The following GRIN2A variants were observed in gnomAD, a reference collection of about 807,000 sequenced individuals.
GRIN2A encodes the protein glutamate receptor ionotropic, NMDA 2A.
In GRIN2A, 22 loss-of-function variants were observed where a neutral mutation model predicts 113.4. The ratio of observed to expected loss-of-function variants is 0.19; its 90% CI spans 0.14 to 0.28. The LOEUF (loss-of-function observed/expected upper bound fraction) is 0.28. Ranked by LOEUF, GRIN2A falls within the 10% of genes least tolerant of loss-of-function variation. GRIN2A has a pLI of 1.00. For synonymous variants in GRIN2A, 827 were observed against 738.4 expected, an observed-to-expected ratio of 1.12 and a Z score of -1.94; for missense variants, 1,502 against 1,887.0, an observed-to-expected ratio of 0.80 and a Z score of 3.78.
At chr16:9,941,157 T>C (rs756208682) in intron 2 of GRIN2A, among the ~76,000 whole-genome samples, 1 of 152,100 alleles carries the variant, frequency 6.6e-6, no homozygotes, top group Non-Finnish European at 1.5e-5. Flanking sequence ...AAAGGCACCA[T>C]TGGAACCTAA....
chr16:10,017,355 G>A (rs994635204), intron 2 of GRIN2A, among the ~76,000 whole-genome samples: 4 of 151,992 alleles, frequency 2.6e-5, no homozygotes, highest in East Asian at 3.9e-4. Flanking sequence ...TTGGTGGGGC[G>A]GCAGTCAGAG....
At chr16:9,974,753 T>C (rs201027016) in intron 2 of GRIN2A, among the ~76,000 whole-genome samples, 2 of 152,242 alleles carry the variant, frequency 1.3e-5, no homozygotes, top group African/African-American at 4.8e-5. Flanking sequence ...ATGTTTCATG[T>C]GATCCCTAGA....
intron 4 of GRIN2A, among the ~76,000 whole-genome samples, chr16:9,879,702 A>G (rs1351088090): frequency 1.3e-5 from 2 of 152,126 alleles, no homozygotes; most frequent in Non-Finnish European, 2.9e-5. Context: ...TAGCTCTGTG[A>G]CTCTGAGCAA....
intron 2 of GRIN2A, among the ~76,000 whole-genome samples, chr16:10,072,615 A>G (rs1178667280): frequency 6.6e-6 from 1 of 152,138 alleles, no homozygotes; most frequent in Non-Finnish European, 1.5e-5. Context: ...ATCTCAGAAT[A>G]AGTTTGGGTG....
At chr16:10,075,317 G>A (rs1330222775) in intron 2 of GRIN2A, among the ~76,000 whole-genome samples, 9 of 152,066 alleles carry the variant, frequency 5.9e-5, no homozygotes, top group African/African-American at 1.2e-4. Flanking sequence ...GAGAAATGAC[G>A]TGACTTGTCT....
In GRIN2A at chr16:9,932,870, C is replaced by T. The variant is rs111879486; in HGVS notation, c.1007+5089G>A. 6.2e-3 allele frequency among the ~76,000 whole-genome samples: 946 copies of T among 152,312 alleles called. 9 individuals carry two copies. The highest frequency in any genetic ancestry group is 0.02 in the African/African-American group (820 of 41,582). On this transcript the variant is annotated intron_variant, in intron 3 of 12. Transcript: ENST00000330684. Reference sequence around the variant, plus strand: ...TAAAAAAGTACAGATTAGGTTCGAACCCATGCAACCTGGCCCCAGTGCCCA... The same window carrying T: ...TAAAAAAGTACAGATTAGGTTCGAATCCATGCAACCTGGCCCCAGTGCCCA...
chr16:10,008,265 C>A (rs529416064), intron 2 of GRIN2A, among the ~76,000 whole-genome samples: 5 of 152,202 alleles, frequency 3.3e-5, no homozygotes, highest in Non-Finnish European at 5.9e-5. Flanking sequence ...TGTGCCCCAA[C>A]TAGTACCCCA....
chr16:10,036,624 T>A (rs1223389602), intron 2 of GRIN2A, among the ~76,000 whole-genome samples: 1 of 151,604 alleles, frequency 6.6e-6, no homozygotes, highest in African/African-American at 2.4e-5. Context: ...TTTTTTGTAT[T>A]TTTAGTAGAG....
rs1050875636 is a variant in GRIN2A, at chr16:9,759,034, C to T, written c.*4115G>A. 5.4e-5 allele frequency: 12 copies of T among 220,938 alleles called. No homozygotes were observed. The highest frequency in any genetic ancestry group is 2.2e-4 in the African/African-American group (10 of 44,658). The allele number at this position is 220,938 out of a possible 1,614,324, so 13.7% of individuals were successfully genotyped here. On this transcript the variant is annotated 3_prime_UTR_variant, in exon 13 of 13. Coordinates refer to ENST00000330684, the MANE Select transcript of GRIN2A (RefSeq NM_001134407.3). ...TGGTTAATACAAACAGGCTCCATTT[C>T]AGAAACAACGCATGTCCCCTTTTCA...
At chr16:9,854,467 G>C (rs2042935616) in intron 4 of GRIN2A, among the ~76,000 whole-genome samples, 1 of 152,126 alleles carries the variant, frequency 6.6e-6, no homozygotes, top group Non-Finnish European at 1.5e-5. Context: ...AGTTTCGACT[G>C]TCATATTGTT....
chr16:9,854,151 T>C (rs1005756395), intron 4 of GRIN2A, among the ~76,000 whole-genome samples: 2 of 152,252 alleles, frequency 1.3e-5, no homozygotes, highest in South Asian at 2.1e-4. Flanking sequence ...CTGTATTTTT[T>C]ACATGTGCAT....
chr16:9,875,940 C>T (rs1179114369), intron 4 of GRIN2A, among the ~76,000 whole-genome samples: 4 of 152,126 alleles, frequency 2.6e-5, no homozygotes, highest in Non-Finnish European at 5.9e-5. Context: ...ATTTCCCTGT[C>T]CCTCCCACTA....
At chr16:9,896,753 C>T (rs1015130856) in intron 3 of GRIN2A, among the ~76,000 whole-genome samples, 1 of 152,114 alleles carries the variant, frequency 6.6e-6, no homozygotes. Context: ...GGAGCAAGTA[C>T]CTATTACCTT....
rs563740201 is a variant in GRIN2A, at chr16:9,839,818, A to G, written c.1651+829T>C. On this transcript the variant is annotated intron_variant, in intron 7 of 12. Coordinates refer to ENST00000330684, the MANE Select transcript of GRIN2A (RefSeq NM_001134407.3). Reference sequence around the variant, plus strand: ...GCAGCTTTTTCCAAGTTTAAGACAAATGAAAGATGTGAACTGGGGATGGAG... The same window carrying G: ...GCAGCTTTTTCCAAGTTTAAGACAAGTGAAAGATGTGAACTGGGGATGGAG... Among the ~76,000 whole-genome samples, 12 of 152,318 alleles carry G rather than the reference A, an allele frequency of 7.9e-5. No individual in the cohort carries two copies. The South Asian group carries it at 2.5e-3, about 32-fold the overall frequency.
intron 2 of GRIN2A, among the ~76,000 whole-genome samples, chr16:10,074,046 C>T (rs1163809066): frequency 1.3e-5 from 2 of 152,068 alleles, no homozygotes; most frequent in African/African-American, 4.8e-5. Flanking sequence ...AAGGCGACTC[C>T]GTTTTTAAAA....
intron 2 of GRIN2A, among the ~76,000 whole-genome samples, chr16:10,065,708 C>T (rs1189614088): frequency 6.6e-6 from 1 of 152,196 alleles, no homozygotes; most frequent in Non-Finnish European, 1.5e-5. Flanking sequence ...TATGGAAGAG[C>T]TCATTGGCCA....
chr16:10,112,635 A>G (rs2048640364), intron 2 of GRIN2A: 1 of 767,564 alleles, frequency 1.3e-6, no homozygotes, highest in Non-Finnish European at 2.4e-6. Flanking sequence ...GCTAGATGCC[A>G]TGGAGAAGAG....
chr16:10,170,199 G>T (rs1041882983), intron 2 of GRIN2A, among the ~76,000 whole-genome samples: 1 of 152,188 alleles, frequency 6.6e-6, no homozygotes, highest in East Asian at 1.9e-4. Context: ...GCAGTACACC[G>T]GTTCATGACC....
intron 2 of GRIN2A, among the ~76,000 whole-genome samples, chr16:9,948,705 G>C (rs1287183375): frequency 1.3e-5 from 2 of 152,194 alleles, no homozygotes; most frequent in Admixed American, 1.3e-4. Flanking sequence ...GGGAGTAAAG[G>C]AAGAGGGGCC....
Sources: allele counts gnomAD v4.1 joint callset (sites outside exome capture counted in the v4.1 genomes callset), GRCh38; gene constraint gnomAD v4.1.1; transcripts MANE v1.5; gene names NCBI Gene and HGNC (gene_info 2026-07-23, HGNC 2026-07-21).